The following FHOD3 variants were observed in gnomAD, a reference collection of about 807,000 sequenced individuals.
FHOD3 encodes FH1/FH2 domain-containing protein 3.
Under a neutral mutation model 173.0 loss-of-function variants are expected in FHOD3, and 90 were observed. That is an observed-to-expected ratio of 0.52 (90% confidence interval 0.44 to 0.62). The LOEUF (loss-of-function observed/expected upper bound fraction) is 0.62, where lower values mean the gene tolerates loss of function less well. FHOD3 is among the 20% of genes least tolerant of loss of function. The pLI, the probability that FHOD3 is intolerant of heterozygous loss-of-function variation, is 0.00. For missense variants in FHOD3, 1,945 were observed against 2,034.7 expected (o/e 0.96, Z 0.85); for synonymous variants, 828 against 823.0 (o/e 1.01, Z -0.10).
chr18:36,746,203 A>G (rs1243436660), intron 23 of FHOD3, among the ~76,000 whole-genome samples: 1 of 152,092 alleles, frequency 6.6e-6, no homozygotes, highest in Non-Finnish European at 1.5e-5. Flanking sequence ...ACTCTGTTAC[A>G]TCTGTCCCTT....
chr18:36,691,697 A>AAGC (rs974551912), intron 16 of FHOD3, among the ~76,000 whole-genome samples: 4 of 152,212 alleles, frequency 2.6e-5, no homozygotes, highest in African/African-American at 9.6e-5. Context: ...CCATGAATGC[A>AAGC]AGCTCATTCC....
At chr18:36,564,944 C>T (rs933750704) in intron 5 of FHOD3, among the ~76,000 whole-genome samples, 1 of 152,162 alleles carries the variant, frequency 6.6e-6, no homozygotes, top group Admixed American at 6.5e-5. Context: ...AAAACTTTGA[C>T]ACCTTGTTGG....
At chr18:36,499,188 C>A (rs1331058970) in intron 3 of FHOD3, among the ~76,000 whole-genome samples, 1 of 152,098 alleles carries the variant, frequency 6.6e-6, no homozygotes, top group Non-Finnish European at 1.5e-5. Context: ...ACTGCAATCC[C>A]CACCTCCCAG....
intron 11 of FHOD3, among the ~76,000 whole-genome samples, chr18:36,650,193 A>G (rs2149088661): frequency 6.6e-6 from 1 of 152,194 alleles, no homozygotes; most frequent in Admixed American, 6.5e-5. Flanking sequence ...TGCCACTGCA[A>G]ATGGACATTT....
intron 10 of FHOD3, among the ~76,000 whole-genome samples, chr18:36,646,923 C>T (rs187057560): frequency 6.6e-6 from 1 of 152,282 alleles, no homozygotes; most frequent in Admixed American, 6.5e-5. Flanking sequence ...ATATAAATGA[C>T]AAAGGGCAAA....
intron 4 of FHOD3, among the ~76,000 whole-genome samples, chr18:36,508,009 G>A (rs2055399662): frequency 1.3e-5 from 2 of 152,136 alleles, no homozygotes; most frequent in Non-Finnish European, 1.5e-5. Flanking sequence ...ACTGTAATTT[G>A]TGCAGTGTTA....
In FHOD3 at chr18:36,718,653, G is replaced by A. The variant is rs1568666294; in HGVS notation, c.3355G>A (p.Val1119Met). The A allele has an allele frequency of 6.2e-7, 1 of 1,614,166 alleles. No homozygotes were observed. Among genetic ancestry groups the A allele is most frequent in the Non-Finnish European group, 8.5e-7 (1 of 1,180,042 alleles). Reference protein sequence around the residue: ...FLWSKLEPIKVDTSRLEHLFE... With the variant: ...FLWSKLEPIKMDTSRLEHLFE... ...GTGGTCAAAACTGGAACCCATTAAG[G>A]TGGACACTTCCAGACTGGAGCACCT... Residue 1119 changes from valine (V) to methionine (M), a missense_variant, in exon 19 of 29, where the codon GTG becomes ATG. Coordinates refer to ENST00000590592, the MANE Select transcript of FHOD3 (RefSeq NM_001281740.3).
chr18:36,493,577 G>T (rs1225906992), intron 3 of FHOD3, among the ~76,000 whole-genome samples: 2 of 152,180 alleles, frequency 1.3e-5, no homozygotes, highest in African/African-American at 4.8e-5. Context: ...TGTAGAGGCT[G>T]TCTTGGGTCG....
At chr18:36,505,348 A>G (rs2055249650) in intron 4 of FHOD3, among the ~76,000 whole-genome samples, 1 of 152,254 alleles carries the variant, frequency 6.6e-6, no homozygotes, top group African/African-American at 2.4e-5. Context: ...TGTTAGAATG[A>G]TCACCATAGA....
At chr18:36,645,248 T>G (rs1352531428) in intron 10 of FHOD3, among the ~76,000 whole-genome samples, 3 of 151,914 alleles carry the variant, frequency 2.0e-5, no homozygotes, top group African/African-American at 7.3e-5. Flanking sequence ...TGGTAAAAAC[T>G]CATCTCTACT....
intron 3 of FHOD3, among the ~76,000 whole-genome samples, chr18:36,384,621 T>C (rs2047941897): frequency 6.6e-6 from 1 of 151,186 alleles, no homozygotes; most frequent in Non-Finnish European, 1.5e-5. Flanking sequence ...TTAGATCCAA[T>C]TTTTAAAAAT....
intron 5 of FHOD3, among the ~76,000 whole-genome samples, chr18:36,547,199 T>C (rs1019925726): frequency 8.5e-5 from 13 of 152,132 alleles, no homozygotes; most frequent in African/African-American, 1.2e-4. Context: ...GCCAAGCTCC[T>C]GGCAGCACCA....
intron 5 of FHOD3, among the ~76,000 whole-genome samples, chr18:36,574,888 T>C (rs1386443727): frequency 6.6e-6 from 1 of 152,126 alleles, no homozygotes; most frequent in Non-Finnish European, 1.5e-5. Context: ...TATGTCCAAA[T>C]AATTTTTAAA....
chr18:36,635,586 G>A (rs1242507826), intron 10 of FHOD3, among the ~76,000 whole-genome samples: 1 of 152,160 alleles, frequency 6.6e-6, no homozygotes, highest in African/African-American at 2.4e-5. Flanking sequence ...AGGAGGCTGT[G>A]GTTTGTAGGA....
At chr18:36,431,843 A>C (rs2050568039) in intron 3 of FHOD3, among the ~76,000 whole-genome samples, 1 of 152,198 alleles carries the variant, frequency 6.6e-6, no homozygotes, top group African/African-American at 2.4e-5. Context: ...GTTTTGTTGA[A>C]TGTAATTATG....
At chr18:36,412,186 A>G (rs2049387297) in intron 3 of FHOD3, among the ~76,000 whole-genome samples, 1 of 152,326 alleles carries the variant, frequency 6.6e-6, no homozygotes, top group East Asian at 1.9e-4. Context: ...AGGGGATTGA[A>G]AAGCTGCTCA....
intron 10 of FHOD3, 138 bp from the exon 11 acceptor site, chr18:36,649,178 G>GT (rs1568548419): frequency 7.0e-6 from 4 of 570,644 alleles, no homozygotes; most frequent in South Asian, 2.3e-5. Context: ...CCAGCTGGGT[G>GT]GTTTTTTTTT....
intron 5 of FHOD3, among the ~76,000 whole-genome samples, chr18:36,514,254 C>T (rs368850961): frequency 3.9e-5 from 6 of 152,060 alleles, no homozygotes; most frequent in African/African-American, 7.2e-5. Context: ...CATGATCCGC[C>T]GGCCTCGGCC....
intron 2 of FHOD3, among the ~76,000 whole-genome samples, chr18:36,358,726 A>G (rs920651767): frequency 6.6e-6 from 1 of 152,130 alleles, no homozygotes; most frequent in Non-Finnish European, 1.5e-5. Context: ...CCCAGGCTGG[A>G]GTGCAGTGGT....
Sources: allele counts gnomAD v4.1 joint callset (sites outside exome capture counted in the v4.1 genomes callset), GRCh38; gene constraint gnomAD v4.1.1; transcripts MANE v1.5; gene names NCBI Gene and HGNC (gene_info 2026-07-23, HGNC 2026-07-21).